Variants in OR10K1 observed in about 807,000 individuals in gnomAD.
The protein encoded by OR10K1 is olfactory receptor 10K1.
For missense variants in OR10K1, 404 were observed against 373.3 expected (o/e 1.08, Z -0.68); for synonymous variants, 186 against 152.5 (o/e 1.22, Z -1.62).
At position 158,466,454 on chromosome 1, in the gene OR10K1, A is replaced by T. The variant is rs754361681; in HGVS notation, c.893A>T (p.Lys298Ile). Residue 298 changes from lysine to isoleucine, a missense_variant, in exon 2 of 2, where the codon AAA becomes ATA. By Grantham distance (102) the Lys-to-Ile change is moderately radical. Transcript: ENST00000641535. Reference sequence around the variant, plus strand: ...TATAGTCTGAGAAATAAGGAATTCAAATCAGCCCTACGAAGAACAATCGGC... The same window carrying T: ...TATAGTCTGAGAAATAAGGAATTCATATCAGCCCTACGAAGAACAATCGGC... ...MIYSLRNKEF[K>I]SALRRTIGQT... The T allele has an allele frequency of 6.2e-7, 1 of 1,614,130 alleles. No homozygotes were observed. The highest frequency in any genetic ancestry group is 1.1e-5 in the South Asian group (1 of 91,064).
In OR10K1 at chr1:158,463,255, G is replaced by A. The variant is rs142676551; in HGVS notation, c.-157+1351G>A. Among the ~76,000 whole-genome samples, 52 of 152,242 alleles carry A rather than the reference G, an allele frequency of 3.4e-4. No homozygotes were observed. In the Middle Eastern group the frequency reaches 0.014, roughly 40 times the overall value. ...TTTTACAGCTTGAACGTATTTTGTA[G>A]GATGAGAATTTTTATTTTCCTGGTC... On this transcript the variant is annotated intron_variant, in intron 1 of 1. Transcript: ENST00000641535.
chr1:158,465,705 C>T lies in OR10K1; in HGVS notation c.144C>T (p.Thr48=), dbSNP rs536094744. The T allele has an allele frequency of 1.2e-6, 2 of 1,614,174 alleles. No homozygotes were observed. Among genetic ancestry groups the T allele is most frequent in the African/African-American group, 1.3e-5 (1 of 75,050 alleles). Residue 48 remains threonine, a synonymous_variant, in exon 2 of 2, where the codon ACC becomes ACT. Transcript: ENST00000641535. ...TLGTNAIIIS[T]IVLDRALHTP... Reference sequence around the variant, plus strand: ...GCACCAATGCAATCATCATTTCCACCATTGTGCTGGACAGAGCCCTTCATA... The same window carrying T: ...GCACCAATGCAATCATCATTTCCACTATTGTGCTGGACAGAGCCCTTCATA...
chr1:158,463,356 C>A (rs963241599), intron 1 of OR10K1, among the ~76,000 whole-genome samples: 1 of 152,168 alleles, frequency 6.6e-6, no homozygotes, highest in Non-Finnish European at 1.5e-5. Context: ...TGGGGGCTGC[C>A]TTCTCAGATG....
rs117339199 is a variant in OR10K1 at position 158,466,632 on chromosome 1, C to T, written c.*129C>T. The stretch of plus-strand genomic sequence containing the variant: ...CATTTTACATATGAGAAGAATGAGG[C>T]TCACAGAAGTTAAGACAGTCTGGCT... On this transcript the variant is annotated 3_prime_UTR_variant, in exon 2 of 2. Coordinates refer to ENST00000641535, the MANE Select transcript of OR10K1 (RefSeq NM_001004473.2). 490 of 654,306 alleles carry T rather than the reference C, an allele frequency of 7.5e-4. 7 individuals are homozygous for T. The East Asian group carries it at 0.013, about 17-fold the overall frequency. 40.5% of individuals were successfully genotyped at this position (654,306 alleles called of 1,614,324 possible). A position where few individuals can be genotyped will look rare whatever the true frequency, so the allele number is the denominator to read the frequency against.
Position 158,466,082 on chromosome 1 carries a change from T to C in OR10K1, c.521T>C (p.Leu174Pro). Residue 174 changes from leucine (L) to proline (P), a missense_variant, in exon 2 of 2, where the codon CTC becomes CCC. By Grantham distance (98) the Leu-to-Pro change is moderately conservative. Transcript: ENST00000641535. ...CTGCCCTTCCACTCCTCCAACCAGCTCCATCACTTCTTCTGTGACATCTCC... is the reference window on the plus strand; with the variant it reads ...CTGCCCTTCCACTCCTCCAACCAGCCCCATCACTTCTTCTGTGACATCTCC... ...FHLPFHSSNQ[L>P]HHFFCDISPV... 6.2e-7 allele frequency: 1 copy of C among 1,614,002 alleles called. No individual in the cohort carries two copies. The highest frequency in any genetic ancestry group is 8.5e-7 in the Non-Finnish European group (1 of 1,179,976).
At position 158,467,361 on chromosome 1, in the gene OR10K1, G is replaced by C. The variant is rs954173408; in HGVS notation, c.*858G>C. 1 of 152,084 alleles carries C rather than the reference G, an allele frequency of 6.6e-6. No individual in the cohort carries two copies. The allele number at this position is 152,084 out of a possible 1,614,324, so 9.4% of individuals were successfully genotyped here. A position where few individuals can be genotyped will look rare whatever the true frequency, so the allele number is the denominator to read the frequency against. ...AATGCCAAGGGTCCTTCATTGTCAT[G>C]AATCTATCATCTAGTTTCCACCTAC... On this transcript the variant is annotated 3_prime_UTR_variant, in exon 2 of 2. Transcript: ENST00000641535.
intron 1 of OR10K1, among the ~76,000 whole-genome samples, chr1:158,465,079 G>C (rs918856874): frequency 3.9e-5 from 6 of 152,186 alleles, no homozygotes; most frequent in African/African-American, 1.4e-4. Flanking sequence ...TTTACTTAGA[G>C]ACCATGGAAT....
In OR10K1 at chr1:158,466,301, T is replaced by C. The variant is rs1270025943; in HGVS notation, c.740T>C (p.Val247Ala). 3.7e-6 allele frequency: 6 copies of C among 1,614,156 alleles called. No homozygotes were observed. The highest frequency in any genetic ancestry group is 5.1e-6 in the Non-Finnish European group (6 of 1,179,998). Reference protein sequence around the residue: ...TFSTCASHLIVVTVHYSCASF... With the variant: ...TFSTCASHLIAVTVHYSCASF... ...TCCACCTGTGCCTCCCATCTCATTG[T>C]GGTAACTGTTCACTACAGTTGTGCC... The change falls in exon 2 of 2, where the codon GTG (valine) becomes GCG (alanine). Residue 247 changes from valine (V) to alanine (A), a missense_variant. Val to Ala is a moderately conservative substitution (Grantham distance 64). Coordinates refer to ENST00000641535, the MANE Select transcript of OR10K1 (RefSeq NM_001004473.2).
rs1465506455 is a variant in OR10K1, at chr1:158,462,381, C to CCTTT, written c.-157+481_-157+484dup. Among the ~76,000 whole-genome samples, 985 of 151,826 alleles carry CCTTT rather than the reference C, an allele frequency of 6.5e-3. 12 individuals are homozygous for CCTTT. Among genetic ancestry groups the CCTTT allele is most frequent in the African/African-American group, 0.023 (942 of 41,396 alleles). On this transcript the variant is annotated intron_variant, in intron 1 of 1. Coordinates refer to ENST00000641535, the MANE Select transcript of OR10K1 (RefSeq NM_001004473.2). ...TCTTTTTTCTTTTCCTTCCTTCCTT[C>CCTTT]CTTTCTTCCTTACTTCCTTCCTCCC...
rs759478346 is a variant in OR10K1, at chr1:158,466,110, T to C, written c.549T>C (p.Pro183=). Reference sequence around the variant, plus strand: ...ATCACTTCTTCTGTGACATCTCCCCTGTCCTTAAACTGGCATCTCAGCACT... The same window carrying C: ...ATCACTTCTTCTGTGACATCTCCCCCGTCCTTAAACTGGCATCTCAGCACT... ...QLHHFFCDIS[P]VLKLASQHSG... Residue 183 remains proline, a synonymous_variant, in exon 2 of 2, where the codon CCT becomes CCC. Coordinates refer to ENST00000641535, the MANE Select transcript of OR10K1 (RefSeq NM_001004473.2). 1 of 1,613,966 alleles carries C rather than the reference T, an allele frequency of 6.2e-7. No individual in the cohort carries two copies. The highest frequency in any genetic ancestry group is 1.7e-5 in the Admixed American group (1 of 60,018).
chr1:158,464,841 GT>G (rs1319056258), intron 1 of OR10K1, among the ~76,000 whole-genome samples: 1 of 151,964 alleles, frequency 6.6e-6, no homozygotes, highest in Non-Finnish European at 1.5e-5. Context: ...TAAAGACCAG[GT>G]TTTGCCATGT....
Position 158,466,028 on chromosome 1 carries a change from C to T in OR10K1, c.467C>T (p.Ser156Phe). ...GCCTGTGCCTGTGGCTTCACTGTCT[C>T]CCTGGTCACCACCTCCCTAGTATTT... ...AAACACGFTV[S>F]LVTTSLVFHL... The change falls in exon 2 of 2, where the codon TCC becomes TTC. Residue 156 changes from serine (S) to phenylalanine (F), a missense_variant. Physicochemically the swap from Ser to Phe is radical, Grantham distance 155. Coordinates refer to ENST00000641535, the MANE Select transcript of OR10K1 (RefSeq NM_001004473.2). 6.2e-7 allele frequency: 1 copy of T among 1,614,108 alleles called. No individual in the cohort carries two copies. Among genetic ancestry groups the T allele is most frequent in the South Asian group, 1.1e-5 (1 of 91,078 alleles).
rs1571285717 is a variant in OR10K1, at chr1:158,465,470, C to T, written c.-92C>T. ...TCTGGAAATGCCTGCCACCTGCAAACTTTGTGTGAAATTTCCCGTACATTT... is the reference window on the plus strand; with the variant it reads ...TCTGGAAATGCCTGCCACCTGCAAATTTTGTGTGAAATTTCCCGTACATTT... On this transcript the variant is annotated 5_prime_UTR_variant, in exon 2 of 2. Coordinates refer to ENST00000641535, the MANE Select transcript of OR10K1 (RefSeq NM_001004473.2). 9.2e-6 allele frequency: 9 copies of T among 977,646 alleles called. No individual in the cohort carries two copies. Among genetic ancestry groups the T allele is most frequent in the Admixed American group, 8.0e-5 (3 of 37,292 alleles). 60.6% of individuals were successfully genotyped at this position (977,646 alleles called of 1,614,324 possible). A position where few individuals can be genotyped will look rare whatever the true frequency, so the allele number is the denominator to read the frequency against.
intron 1 of OR10K1, among the ~76,000 whole-genome samples, chr1:158,463,926 A>C (rs1655981814): frequency 6.6e-6 from 1 of 152,198 alleles, no homozygotes; most frequent in Admixed American, 6.6e-5. Flanking sequence ...AAAATAAGTA[A>C]TTATATTAAC....
Position 158,466,089 on chromosome 1 carries a change from C to G in OR10K1, c.528C>G (p.His176Gln). The G allele has an allele frequency of 6.2e-7, 1 of 1,614,052 alleles. No individual in the cohort carries two copies. The highest frequency in any genetic ancestry group is 8.5e-7 in the Non-Finnish European group (1 of 1,179,988). The change falls in exon 2 of 2, where the codon CAC becomes CAG. Residue 176 changes from histidine to glutamine, a missense_variant. Coordinates refer to ENST00000641535, the MANE Select transcript of OR10K1 (RefSeq NM_001004473.2). Reference sequence around the variant, plus strand: ...TCCACTCCTCCAACCAGCTCCATCACTTCTTCTGTGACATCTCCCCTGTCC... The same window carrying G: ...TCCACTCCTCCAACCAGCTCCATCAGTTCTTCTGTGACATCTCCCCTGTCC... The part of the protein sequence containing the change: ...LPFHSSNQLH[H>Q]FFCDISPVLK...
chr1:158,465,818 T>G lies in OR10K1; in HGVS notation c.257T>G (p.Leu86Arg), dbSNP rs571095824. ...GTACCCAAGATGCTGGTTGACCTGCTGTCCCAGAAGAAGACCATTTCTTTC... is the reference window on the plus strand; with the variant it reads ...GTACCCAAGATGCTGGTTGACCTGCGGTCCCAGAAGAAGACCATTTCTTTC... ...VIVPKMLVDL[L>R]SQKKTISFLG... Residue 86 changes from leucine (L) to arginine (R), a missense_variant, in exon 2 of 2, where the codon CTG (leucine) becomes CGG (arginine). Coordinates refer to ENST00000641535, the MANE Select transcript of OR10K1 (RefSeq NM_001004473.2). 1 of 1,614,254 alleles carries G rather than the reference T, an allele frequency of 6.2e-7. No individual in the cohort carries two copies.
intron 1 of OR10K1, among the ~76,000 whole-genome samples, chr1:158,463,534 T>G (rs1187376952): frequency 6.6e-6 from 1 of 152,250 alleles, no homozygotes; most frequent in South Asian, 2.1e-4. Flanking sequence ...TTGGTATCAG[T>G]TAGATACAGG....
rs779196660 is a variant in OR10K1, at chr1:158,466,377, C to A, written c.816C>A (p.Thr272=). 1.9e-6 allele frequency: 3 copies of A among 1,613,444 alleles called. No homozygotes were observed. Among genetic ancestry groups the A allele is most frequent in the Non-Finnish European group, 8.5e-7 (1 of 1,179,510 alleles). Residue 272 remains threonine (T), a synonymous_variant, in exon 2 of 2, where the codon ACC becomes ACA. Coordinates refer to ENST00000641535, the MANE Select transcript of OR10K1 (RefSeq NM_001004473.2). The stretch of plus-strand genomic sequence containing the variant: ...CTAATTACACTTCAAGCCAAGACAC[C>A]CTAATATCTGTGTCATACACCATCC... ...PKTNYTSSQD[T]LISVSYTILT...
In OR10K1 at chr1:158,464,273, G is replaced by T. The variant is rs550597275; in HGVS notation, c.-156-1133G>T. 2.6e-5 allele frequency among the ~76,000 whole-genome samples: 4 copies of T among 152,190 alleles called. No homozygotes were observed. The South Asian group carries it at 8.3e-4, about 32-fold the overall frequency. On this transcript the variant is annotated intron_variant, in intron 1 of 1. Transcript: ENST00000641535. ...AAAAATGTTCCAGTGAAAAAAATTAGGCCTAAGATGATTTTAGAAATAATT... is the reference window on the plus strand; with the variant it reads ...AAAAATGTTCCAGTGAAAAAAATTATGCCTAAGATGATTTTAGAAATAATT...
Sources: allele counts gnomAD v4.1 joint callset (sites outside exome capture counted in the v4.1 genomes callset), GRCh38; gene constraint gnomAD v4.1.1; transcripts MANE v1.5; gene names NCBI Gene and HGNC (gene_info 2026-07-23, HGNC 2026-07-21).